Variants in WIPF1 observed in about 807,000 individuals in gnomAD.
WIPF1 encodes WAS/WASL-interacting protein family member 1.
In WIPF1, 13 loss-of-function variants were observed where a neutral mutation model predicts 35.4. The observed-to-expected ratio is 0.37, with a 90% CI of 0.24 to 0.58. The LOEUF is 0.58. WIPF1 is among the 20% of genes least tolerant of loss of function. The pLI is 0.74. For synonymous variants in WIPF1, 267 were observed against 266.3 expected (o/e 1.00, Z -0.02); for missense variants, 591 against 667.0 (o/e 0.89, Z 1.25).
chr2:174,675,377 A>C (rs899618522), intron 1 of WIPF1, among the ~76,000 whole-genome samples: 2 of 151,976 alleles, frequency 1.3e-5, no homozygotes, highest in African/African-American at 4.8e-5. Flanking sequence ...TTTTTTTTAG[A>C]GACAGGTCTC....
At chr2:174,589,254 A>G (rs763165885) in intron 1 of WIPF1, among the ~76,000 whole-genome samples, 14 of 152,218 alleles carry the variant, frequency 9.2e-5, no homozygotes, top group Non-Finnish European at 1.8e-4. Flanking sequence ...TTCTTACTAA[A>G]TATATATGCA....
intron 1 of WIPF1, among the ~76,000 whole-genome samples, chr2:174,613,461 G>T (rs561444052): frequency 6.6e-6 from 1 of 152,208 alleles, no homozygotes; most frequent in Admixed American, 6.5e-5. Flanking sequence ...GGGCTAGAAG[G>T]ACAACTGATC....
chr2:174,654,074 T>C (rs1044416368), intron 1 of WIPF1, among the ~76,000 whole-genome samples: 4 of 152,214 alleles, frequency 2.6e-5, no homozygotes, highest in Non-Finnish European at 4.4e-5. Flanking sequence ...AAAATTCAAA[T>C]AGAGTTCTCA....
chr2:174,681,310 G>C (rs113635169), intron 1 of WIPF1, among the ~76,000 whole-genome samples: 7 of 152,220 alleles, frequency 4.6e-5, no homozygotes, highest in African/African-American at 1.7e-4. Context: ...CCAGGTCCCC[G>C]AGAAACTCAG....
intron 1 of WIPF1, among the ~76,000 whole-genome samples, chr2:174,671,848 GC>G: frequency 6.6e-6 from 1 of 152,242 alleles, no homozygotes; most frequent in Non-Finnish European, 1.5e-5. Context: ...CAATGACAAT[GC>G]GTGCCCGAAA....
chr2:174,680,329 G>T (rs1392669749), intron 1 of WIPF1, among the ~76,000 whole-genome samples: 1 of 152,226 alleles, frequency 6.6e-6, no homozygotes, highest in Non-Finnish European at 1.5e-5. Context: ...GTCCCTGCTA[G>T]CCACAAGGGA....
intron 1 of WIPF1, among the ~76,000 whole-genome samples, chr2:174,648,317 G>A (rs1221830321): frequency 4.6e-5 from 7 of 152,036 alleles, no homozygotes; most frequent in African/African-American, 7.2e-5. Flanking sequence ...AATTACTATC[G>A]CATACTTCTC....
intron 1 of WIPF1, among the ~76,000 whole-genome samples, chr2:174,602,862 C>T (rs1686050947): frequency 6.6e-6 from 1 of 152,176 alleles, no homozygotes; most frequent in African/African-American, 2.4e-5. Flanking sequence ...TAATCACGTC[C>T]ATTTGTTTGT....
At chr2:174,635,806 G>C (rs185482031) in intron 1 of WIPF1, among the ~76,000 whole-genome samples, 1 of 152,162 alleles carries the variant, frequency 6.6e-6, no homozygotes, top group African/African-American at 2.4e-5. Flanking sequence ...TCCAAGTCTT[G>C]AAAATATTAC....
intron 4 of WIPF1, among the ~76,000 whole-genome samples, chr2:174,573,471 T>G (rs545782248): frequency 2.4e-4 from 36 of 152,268 alleles, no homozygotes; most frequent in African/African-American, 8.4e-4. Flanking sequence ...TTCAGATAAT[T>G]ATATGTACTA....
intron 7 of WIPF1, 186 bp downstream of exon 7, chr2:174,566,884 C>T (rs1447319729): frequency 1.8e-6 from 1 of 557,380 alleles, no homozygotes; most frequent in African/African-American, 1.9e-5. Context: ...ATAACTGTTT[C>T]TCATATGCAT....
chr2:174,582,075 C>A (rs1685260465), intron 2 of WIPF1, among the ~76,000 whole-genome samples: 1 of 152,210 alleles, frequency 6.6e-6, no homozygotes, highest in Non-Finnish European at 1.5e-5. Flanking sequence ...GTGAAACCAC[C>A]GTCACAATCA....
At chr2:174,602,758 CCT>C (rs1388373814), upstream of WIPF1, among the ~76,000 whole-genome samples, 1 of 152,060 alleles carries the variant, frequency 6.6e-6, no homozygotes, top group Admixed American at 6.5e-5. Context: ...TATTCTGCAC[CCT>C]GTTAATATAA....
intron 1 of WIPF1, among the ~76,000 whole-genome samples, chr2:174,674,948 A>ACACG (rs576751803): frequency 0.016 from 2,402 of 147,168 alleles, 122 homozygotes; most frequent in African/African-American, 0.047. Flanking sequence ...ACACACACAC[A>ACACG]GATGTTCCAG....
chr2:174,646,068 T>A (rs916596563), intron 1 of WIPF1, among the ~76,000 whole-genome samples: 1 of 152,112 alleles, frequency 6.6e-6, no homozygotes, highest in East Asian at 1.9e-4. Flanking sequence ...GGCAGAACAG[T>A]GAAGAGATTA....
intron 1 of WIPF1, among the ~76,000 whole-genome samples, chr2:174,664,614 G>C (rs1006094175): frequency 1.3e-5 from 2 of 152,132 alleles, no homozygotes; most frequent in African/African-American, 2.4e-5. Flanking sequence ...TGTCGGGCTC[G>C]GCCCACACCA....
chr2:174,667,953 G>A (rs1447924238), intron 1 of WIPF1, among the ~76,000 whole-genome samples: 1 of 152,190 alleles, frequency 6.6e-6, no homozygotes, highest in African/African-American at 2.4e-5. Context: ...TTTTTTGCCT[G>A]GGACTGTCCA....
Position 174,567,986 on chromosome 2 carries a change from C to G in WIPF1, c.1217G>C (p.Gly406Ala). ...GGGTCCACTCCTGGGACTGTCTACT[C>G]CACTCCTGGATGGCAACTGAGGGGT... is the stretch of plus-strand genomic sequence containing the variant. ...PATPQLPSRS[G>A]VDSPRSGPRP... is the part of the protein sequence containing the mutation. Residue 406 changes from glycine (G) to alanine (A), a missense_variant, in exon 6 of 8, where the codon GGA becomes GCA. Transcript: ENST00000679041. 2 of 1,614,072 alleles carry G rather than the reference C, an allele frequency of 1.2e-6. No homozygotes were observed. The highest frequency in any genetic ancestry group is 1.7e-6 in the Non-Finnish European group (2 of 1,180,030).
rs1015070995 is a variant in WIPF1 at position 174,561,892 on chromosome 2, A to G, written c.*655T>C. ...GATTTTGAAGATTCAGTACCAAAAA[A>G]TAATATAAAATATCTCATTAAAATT... On this transcript the variant is annotated 3_prime_UTR_variant, in exon 8 of 8. Transcript: ENST00000679041. 3.0e-5 allele frequency: 20 copies of G among 669,336 alleles called. No homozygotes were observed. Among genetic ancestry groups the G allele is most frequent in the Admixed American group, 6.0e-5 (2 of 33,158 alleles). 41.5% of individuals were successfully genotyped at this position (669,336 alleles called of 1,614,324 possible). A position where few individuals can be genotyped will look rare whatever the true frequency, so the allele number is the denominator to read the frequency against.
Sources: gnomAD v4.1 joint callset for allele counts (sites outside exome capture counted in the v4.1 genomes callset) on GRCh38, gnomAD v4.1.1 for gene constraint, MANE v1.5 for transcripts, NCBI Gene and HGNC (gene_info 2026-07-23, HGNC 2026-07-21) for gene names.